Variants in DLG2 observed in about 807,000 individuals in gnomAD.
DLG2 encodes discs large MAGUK scaffold protein 2, also known as disks large homolog 2.
Under a neutral mutation model 132.5 loss-of-function variants are expected in DLG2, and 45 were observed. The observed-to-expected ratio is 0.34, with a 90% confidence interval of 0.27 to 0.44. The LOEUF (loss-of-function observed/expected upper bound fraction) is 0.44, where lower values mean the gene tolerates loss of function less well. Among genes scored for constraint, DLG2 ranks in the 20% least tolerant of loss-of-function variants. DLG2 has a pLI of 1.00. For synonymous variants in DLG2, 424 were observed against 419.6 expected, an observed-to-expected ratio of 1.01 and a Z score of -0.13; for missense variants, 1,045 against 1,196.9, an observed-to-expected ratio of 0.87 and a Z score of 1.87.
chr11:84,532,766 G>C (rs1021682444), intron 7 of DLG2, among the ~76,000 whole-genome samples: 1 of 152,128 alleles, frequency 6.6e-6, no homozygotes, highest in African/African-American at 2.4e-5. Flanking sequence ...AAAATGCTGA[G>C]ACTACAGGTG....
At chr11:85,372,697 C>T (rs750037930) in intron 3 of DLG2, among the ~76,000 whole-genome samples, 17 of 152,234 alleles carry the variant, frequency 1.1e-4, no homozygotes, top group South Asian at 2.1e-4. Context: ...TAGGTGACAG[C>T]GAATAATTCC....
At chr11:85,415,192 A>T (rs1042347612) in intron 3 of DLG2, among the ~76,000 whole-genome samples, 5 of 152,034 alleles carry the variant, frequency 3.3e-5, no homozygotes, top group Non-Finnish European at 7.4e-5. Flanking sequence ...GCATGAACTC[A>T]TCCTTTTTAT....
chr11:83,881,621 G>T (rs566599397), intron 15 of DLG2, among the ~76,000 whole-genome samples: 1 of 152,088 alleles, frequency 6.6e-6, no homozygotes, highest in Non-Finnish European at 1.5e-5. Flanking sequence ...CACAAGTTGC[G>T]CTGTTGAGCT....
chr11:83,587,229 A>G (rs187494931), intron 19 of DLG2, among the ~76,000 whole-genome samples: 2 of 152,126 alleles, frequency 1.3e-5, no homozygotes, highest in East Asian at 3.9e-4. Context: ...ATAAGCAGCC[A>G]TATCAGCTCC....
intron 6 of DLG2, among the ~76,000 whole-genome samples, chr11:85,011,868 T>C (rs1255934552): frequency 1.3e-5 from 2 of 152,192 alleles, no homozygotes; most frequent in Non-Finnish European, 2.9e-5. Context: ...GAATATATCA[T>C]GTATTACCAA....
intron 26 of DLG2, among the ~76,000 whole-genome samples, chr11:83,465,695 G>C (rs2136216098): frequency 6.6e-6 from 1 of 152,252 alleles, no homozygotes; most frequent in South Asian, 2.1e-4. Context: ...ATATGCCAAA[G>C]AGTACATGAA....
At chr11:83,879,537 G>T (rs150079241) in intron 15 of DLG2, among the ~76,000 whole-genome samples, 1 of 151,212 alleles carries the variant, frequency 6.6e-6, no homozygotes, top group African/African-American at 2.4e-5. Flanking sequence ...TTAATATAGC[G>T]CATGCATTAA....
At position 83,671,179 on chromosome 11, in the gene DLG2, C is replaced by T. The variant is rs76216357; in HGVS notation, c.1826-37854G>A. ...CCTAATTAAGAACATGGCCCTGCAA[C>T]GTGGTATTCTATTAATATTAAATGA... On this transcript the variant is annotated intron_variant, in intron 18 of 27. Coordinates refer to ENST00000376104, the MANE Select transcript of DLG2 (RefSeq NM_001142699.3). 5.9e-5 allele frequency among the ~76,000 whole-genome samples: 9 copies of T among 152,178 alleles called. No homozygotes were observed. The East Asian group carries it at 7.7e-4, about 13-fold the overall frequency.
intron 5 of DLG2, among the ~76,000 whole-genome samples, chr11:85,150,756 T>C (rs959449839): frequency 1.4e-5 from 2 of 144,276 alleles, no homozygotes; most frequent in Admixed American, 6.9e-5. Context: ...GTGTGTAACA[T>C]TTTCTTTATC....
At chr11:83,551,357 C>G (rs920342358) in intron 19 of DLG2, among the ~76,000 whole-genome samples, 1 of 152,130 alleles carries the variant, frequency 6.6e-6, no homozygotes, top group African/African-American at 2.4e-5. Flanking sequence ...TGTTTATGGA[C>G]TGACAAATGA....
At chr11:84,204,234 G>A (rs958390122) in intron 8 of DLG2, among the ~76,000 whole-genome samples, 1 of 152,168 alleles carries the variant, frequency 6.6e-6, no homozygotes, top group African/African-American at 2.4e-5. Context: ...TGGGATTACA[G>A]GCGTAAGCCA....
Position 84,737,502 on chromosome 11 carries a change from C to CAGAGAGAG in DLG2, c.358-202779_358-202772dup, listed in dbSNP as rs34535735. ...GTCAAGAGAGAGAGAAAGAAAGAGA[C>CAGAGAGAG]AGAGAGAGAGAGAGAGAGAGAGAGA... On this transcript the variant is annotated intron_variant, in intron 6 of 27. Coordinates refer to ENST00000376104, the MANE Select transcript of DLG2 (RefSeq NM_001142699.3). 3.1e-4 allele frequency among the ~76,000 whole-genome samples: 45 copies of CAGAGAGAG among 147,106 alleles called. 1 individual carries two copies. In the South Asian group the frequency reaches 7.8e-3, roughly 26 times the overall value.
At chr11:85,403,416 C>A (rs1208816956) in intron 3 of DLG2, among the ~76,000 whole-genome samples, 1 of 151,826 alleles carries the variant, frequency 6.6e-6, no homozygotes, top group African/African-American at 2.4e-5. Context: ...GTGCAGCAAA[C>A]CAACATGGCT....
At chr11:84,017,820 C>T (rs1004097082) in intron 11 of DLG2, among the ~76,000 whole-genome samples, 15 of 151,974 alleles carry the variant, frequency 9.9e-5, no homozygotes, top group African/African-American at 2.7e-4. Flanking sequence ...ATGTGCCAGG[C>T]ACTGTTCTAA....
chr11:84,210,531 TAA>T (rs34149459), intron 8 of DLG2, among the ~76,000 whole-genome samples: 4 of 50,592 alleles, frequency 7.9e-5, no homozygotes, highest in Non-Finnish European at 1.7e-4. Context: ...AAACTTAAAT[TAA>T]AAAAAAAAAA....
intron 6 of DLG2, among the ~76,000 whole-genome samples, chr11:84,836,064 C>T (rs973066358): frequency 6.6e-6 from 1 of 151,778 alleles, no homozygotes; most frequent in Non-Finnish European, 1.5e-5. Flanking sequence ...GTTTGCTTCA[C>T]TGACTTACCC....
chr11:85,542,793 AAGTC>A (rs1276756208), intron 3 of DLG2, among the ~76,000 whole-genome samples: 4 of 152,246 alleles, frequency 2.6e-5, no homozygotes, highest in Non-Finnish European at 5.9e-5. Flanking sequence ...CAAAAAGTAA[AAGTC>A]AGTCCTAGCC....
chr11:84,084,381 G>A (rs187536735), intron 10 of DLG2, among the ~76,000 whole-genome samples: 1 of 152,296 alleles, frequency 6.6e-6, no homozygotes, highest in Admixed American at 6.5e-5. Flanking sequence ...TGTTCCTTTG[G>A]AATGGAAGTA....
At chr11:84,803,170 A>T (rs2075620937) in intron 6 of DLG2, among the ~76,000 whole-genome samples, 2 of 152,232 alleles carry the variant, frequency 1.3e-5, no homozygotes. Flanking sequence ...AAAATGAAAT[A>T]TACATAAAGA....
Sources: gnomAD v4.1 joint callset for allele counts (sites outside exome capture counted in the v4.1 genomes callset) on GRCh38, gnomAD v4.1.1 for gene constraint, MANE v1.5 for transcripts, NCBI Gene and HGNC (gene_info 2026-07-23, HGNC 2026-07-21) for gene names.